The following CSPG4 variants were observed in gnomAD, a reference collection of about 807,000 sequenced individuals.
CSPG4 encodes the protein chondroitin sulfate proteoglycan 4 (melanoma-associated).
A neutral mutation model predicts 139.3 loss-of-function variants in CSPG4; 74 were observed. The ratio of observed to expected loss-of-function variants is 0.53; its 90% CI spans 0.44 to 0.64. CSPG4 has a LOEUF of 0.64. CSPG4 is among the 30% of genes least tolerant of loss of function. The probability of loss-of-function intolerance (pLI) is 0.00; values close to 1 mark genes in which losing one functional copy is unlikely to be tolerated. For synonymous variants in CSPG4, 1,234 were observed against 1,394.2 expected (o/e 0.89, Z 2.56); for missense variants, 2,565 against 3,148.3 (o/e 0.81, Z 4.43).
chr15:75,704,118 TAGCCTGCCTTGCTGCTTGGCCC>T (rs1458560426), intron 1 of CSPG4, among the ~76,000 whole-genome samples: 1 of 142,586 alleles, frequency 7.0e-6, no homozygotes, highest in Non-Finnish European at 1.5e-5. Context: ...ATTCCAGGCC[TAGCCTGCCTTGCTGCTTGGCCC>T]AGGACAAGCA....
At chr15:75,679,475 A>G (rs1566971895) in intron 8 of CSPG4, 1 of 152,264 alleles carries the variant, frequency 6.6e-6, no homozygotes. Context: ...CACATAGTGC[A>G]GTGTCTCCCC....
At position 75,676,851 on chromosome 15, in the gene CSPG4, G is replaced by A; in HGVS notation, c.5668C>T (p.Pro1890Ser). ...FLSLVGGGLGPVTRFTQADVD... is the reference protein window; with the variant it reads ...FLSLVGGGLGSVTRFTQADVD... The stretch of plus-strand genomic sequence containing the variant: ...TCGGCTTGCGTGAAGCGGGTCACGG[G>A]CCCCAGGCCACCACCCACCAGGCTG... The change falls in exon 10 of 10, where the codon CCC (proline) becomes TCC (serine). Residue 1890 changes from proline (P) to serine (S), a missense_variant. This residue lies in a region of CSPG4 where 2,316 missense variants were observed against 2,818.2 expected (regional missense o/e 0.82). Transcript: ENST00000308508. 1 of 1,566,546 alleles carries A rather than the reference G, an allele frequency of 6.4e-7. No individual in the cohort carries two copies. The highest frequency in any genetic ancestry group is 8.6e-7 in the Non-Finnish European group (1 of 1,157,532).
chr15:75,709,032 T>C (rs1467257175), intron 1 of CSPG4, among the ~76,000 whole-genome samples: 1 of 152,154 alleles, frequency 6.6e-6, no homozygotes, highest in African/African-American at 2.4e-5. Flanking sequence ...GTGCACACTA[T>C]GGGGTGTCCC....
chr15:75,711,644 G>T (rs1444661167), intron 1 of CSPG4, among the ~76,000 whole-genome samples: 1 of 152,284 alleles, frequency 6.6e-6, no homozygotes, highest in African/African-American at 2.4e-5. Context: ...CCATCTGAAG[G>T]AGAGAAGGGT....
intron 1 of CSPG4, among the ~76,000 whole-genome samples, chr15:75,697,568 C>G (rs1010091285): frequency 1.3e-5 from 2 of 152,360 alleles, no homozygotes; most frequent in South Asian, 4.1e-4. Context: ...GTACCCCACT[C>G]TCTGGCAATG....
At chr15:75,694,294 A>G (rs1290662176) in intron 1 of CSPG4, among the ~76,000 whole-genome samples, 2 of 152,218 alleles carry the variant, frequency 1.3e-5, no homozygotes, top group Non-Finnish European at 2.9e-5. Context: ...TCCTCCAGTC[A>G]GTTTCCCCAG....
rs1566974923 is a variant in CSPG4, at chr15:75,689,789, C to T, written c.1276G>A (p.Ala426Thr). ...VPEPGLPPVFANFTQLLTISP... is the reference protein window; with the variant it reads ...VPEPGLPPVFTNFTQLLTISP... Reference sequence around the variant, plus strand: ...ATAGTCAGCAGCTGGGTGAAATTGGCAAAGACAGGAGGCAGCCCTGGCTCA... The same window carrying T: ...ATAGTCAGCAGCTGGGTGAAATTGGTAAAGACAGGAGGCAGCCCTGGCTCA... Residue 426 changes from alanine (A) to threonine (T), a missense_variant, in exon 3 of 10, where the codon GCC (alanine) becomes ACC (threonine). Around this residue, in one of 5 missense-constraint regions of CSPG4, gnomAD observed 2,316 missense variants for 2,818.2 expected, o/e 0.82. Transcript: ENST00000308508. 1 of 1,612,582 alleles carries T rather than the reference C, an allele frequency of 6.2e-7. No individual in the cohort carries two copies. Among genetic ancestry groups the T allele is most frequent in the Non-Finnish European group, 8.5e-7 (1 of 1,179,632 alleles).
intron 1 of CSPG4, among the ~76,000 whole-genome samples, chr15:75,702,200 G>T (rs1286861801): frequency 2.6e-5 from 4 of 152,078 alleles, no homozygotes; most frequent in Non-Finnish European, 5.9e-5. Flanking sequence ...CTGCCTGCAG[G>T]GTCTCTTGCT....
Position 75,677,103 on chromosome 15 carries a change from C to T in CSPG4, c.5416G>A (p.Gly1806Arg), listed in dbSNP as rs1442375370. The T allele has an allele frequency of 2.1e-6, 3 of 1,413,196 alleles. No homozygotes were observed. The highest frequency in any genetic ancestry group is 5.6e-5 in the Admixed American group (2 of 35,802). The allele number at this position is 1,413,196 out of a possible 1,614,324, so 87.5% of individuals were successfully genotyped here. A position where few individuals can be genotyped will look rare whatever the true frequency, so the allele number is the denominator to read the frequency against. The part of the protein sequence containing the change: ...DGFHFRAHLQ[G>R]PAGASVAGPQ... The stretch of plus-strand genomic sequence containing the variant: ...CCAGCCACGGAGGCCCCTGCTGGCC[C>T]CTGGAGGTGGGCACGAAAGTGGAAG... Residue 1806 changes from glycine (G) to arginine (R), a missense_variant, in exon 10 of 10, where the codon GGG becomes AGG. By Grantham distance (125) the Gly-to-Arg change is moderately radical (BLOSUM62 -2). Coordinates refer to ENST00000308508, the MANE Select transcript of CSPG4 (RefSeq NM_001897.5).
intron 1 of CSPG4, among the ~76,000 whole-genome samples, chr15:75,706,976 T>C (rs1489022081): frequency 6.8e-6 from 1 of 148,132 alleles, no homozygotes; most frequent in Non-Finnish European, 1.5e-5. Flanking sequence ...TTTTTTTAGA[T>C]GAACCCTCAC....
At chr15:75,699,336 A>T (rs1249473343) in intron 1 of CSPG4, among the ~76,000 whole-genome samples, 1 of 152,240 alleles carries the variant, frequency 6.6e-6, no homozygotes, top group East Asian at 1.9e-4. Context: ...CCTTCTGTTT[A>T]GTTGCCTTTC....
At chr15:75,686,348 A>G (rs1894057085) in intron 3 of CSPG4, among the ~76,000 whole-genome samples, 2 of 152,100 alleles carry the variant, frequency 1.3e-5, no homozygotes, top group African/African-American at 2.4e-5. Context: ...GCACCTCCCC[A>G]GCCCCTGCTA....
chr15:75,678,754 C>G (rs997003450), intron 8 of CSPG4: 7 of 456,216 alleles, frequency 1.5e-5, no homozygotes, highest in African/African-American at 1.4e-4. Flanking sequence ...CACGCTCTCC[C>G]CCAGGCATTC....
intron 1 of CSPG4, among the ~76,000 whole-genome samples, chr15:75,701,944 C>T (rs1232789511): frequency 6.6e-6 from 1 of 152,246 alleles, no homozygotes; most frequent in Non-Finnish European, 1.5e-5. Context: ...CAGGTTCCAT[C>T]CATCCAGTCC....
chr15:75,675,200 C>T lies in CSPG4; in HGVS notation c.*350G>A, dbSNP rs78116443. The T allele has an allele frequency of 4.5e-3, 1,319 of 293,184 alleles. 15 individuals carry two copies. The highest frequency in any genetic ancestry group is 0.033 in the East Asian group (597 of 18,096). The allele number at this position is 293,184 out of a possible 1,614,324, so 18.2% of individuals were successfully genotyped here. On this transcript the variant is annotated 3_prime_UTR_variant, in exon 10 of 10. Coordinates refer to ENST00000308508, the MANE Select transcript of CSPG4 (RefSeq NM_001897.5). ...CCCTCTTAGCAGCCTGGGTCAGGCG[C>T]GACTTACCCAAGGTCACAGACCCAG... is the stretch of plus-strand genomic sequence containing the variant.
At chr15:75,694,788 C>T (rs766534087) in intron 1 of CSPG4, among the ~76,000 whole-genome samples, 1 of 152,272 alleles carries the variant, frequency 6.6e-6, no homozygotes, top group Non-Finnish European at 1.5e-5. Context: ...TGCGCGGGGG[C>T]GGCCCAGCTG....
chr15:75,712,012 C>T (rs892348132), intron 1 of CSPG4, among the ~76,000 whole-genome samples: 3 of 150,930 alleles, frequency 2.0e-5, no homozygotes, highest in African/African-American at 7.3e-5. Context: ...CCAGCTCTCC[C>T]TCTAGGAGGC....
At position 75,675,839 on chromosome 15, in the gene CSPG4, AT is replaced by A. The variant is rs1566970878; in HGVS notation, c.6679del (p.Ile2227SerfsTer34). On this transcript the variant is annotated frameshift_variant, in exon 10 of 10. Transcript: ENST00000308508. LOFTEE classifies it high-confidence loss of function. ...FLEANMFSVI[I>X]PMCLVLLLLA... is the part of the protein sequence containing the mutation. ...GAGCAGAAGTACCAGGCACATGGGGATGATGACGCTGAACATGTTGGCCTCA... is the reference window on the plus strand; with the variant it reads ...GAGCAGAAGTACCAGGCACATGGGGAGATGACGCTGAACATGTTGGCCTCA... The A allele has an allele frequency of 6.2e-7, 1 of 1,612,012 alleles. No homozygotes were observed. Among genetic ancestry groups the A allele is most frequent in the East Asian group, 2.2e-5 (1 of 44,880 alleles).
chr15:75,683,057 T>G lies in CSPG4; in HGVS notation c.4450-16A>C. Reference sequence around the variant, plus strand: ...CCTCCCACATCTGGGAACACAGGCCTGTGAAGGTTCTGCCTTGCCGCACTC... The same window carrying G: ...CCTCCCACATCTGGGAACACAGGCCGGTGAAGGTTCTGCCTTGCCGCACTC... On this transcript the variant is annotated splice_polypyrimidine_tract_variant and intron_variant, in intron 5 of 9. Transcript: ENST00000308508. 6.2e-7 allele frequency: 1 copy of G among 1,605,924 alleles called. No individual in the cohort carries two copies. The highest frequency in any genetic ancestry group is 8.5e-7 in the Non-Finnish European group (1 of 1,178,512).
Sources: allele counts gnomAD v4.1 joint callset (sites outside exome capture counted in the v4.1 genomes callset), GRCh38; gene constraint gnomAD v4.1.1; regional missense constraint gnomAD v4.1.1; transcripts MANE v1.5; gene names NCBI Gene and HGNC (gene_info 2026-07-23, HGNC 2026-07-21).